The following PPP2R2C variants were observed in gnomAD, a reference collection of about 807,000 sequenced individuals.
PPP2R2C encodes the protein protein phosphatase 2 regulatory subunit Bgamma, also known as protein phosphatase 2, regulatory subunit B, gamma.
A neutral mutation model predicts 45.3 loss-of-function variants in PPP2R2C; 10 were observed. The ratio of observed to expected loss-of-function variants is 0.22; its 90% CI spans 0.14 to 0.37. The LOEUF (loss-of-function observed/expected upper bound fraction) is 0.37, where lower values mean the gene tolerates loss of function less well. Ranked by LOEUF, PPP2R2C falls within the 10% of genes least tolerant of loss-of-function variation. PPP2R2C has a pLI of 1.00. For missense variants in PPP2R2C, 308 were observed against 619.7 expected (o/e 0.50, Z 5.34); for synonymous variants, 257 against 245.4 (o/e 1.05, Z -0.44).
At chr4:6,385,682 G>C (rs1048490571) in intron 1 of PPP2R2C, among the ~76,000 whole-genome samples, 11 of 152,088 alleles carry the variant, frequency 7.2e-5, no homozygotes, top group Admixed American at 7.2e-4. Flanking sequence ...TGATTCTCGT[G>C]CCTCAGCCTC....
chr4:6,551,891 A>T (rs1263837307), intron 1 of PPP2R2C, among the ~76,000 whole-genome samples: 2 of 152,328 alleles, frequency 1.3e-5, no homozygotes, highest in South Asian at 4.1e-4. Flanking sequence ...GGCTCTTAAA[A>T]CCATGAAACA....
chr4:6,507,615 A>T (rs1028976575), intron 2 of PPP2R2C, among the ~76,000 whole-genome samples: 3 of 152,250 alleles, frequency 2.0e-5, no homozygotes, highest in African/African-American at 7.2e-5. Context: ...GACTGCTAAA[A>T]GTCACTAAGT....
intron 1 of PPP2R2C, among the ~76,000 whole-genome samples, chr4:6,417,992 G>A (rs1168949448): frequency 6.6e-6 from 1 of 152,202 alleles, no homozygotes; most frequent in Non-Finnish European, 1.5e-5. Context: ...CAGCAGGCAG[G>A]GGCTCTGGAA....
chr4:6,452,564 C>G (rs1267772681), intron 1 of PPP2R2C, among the ~76,000 whole-genome samples: 1 of 152,238 alleles, frequency 6.6e-6, no homozygotes. Flanking sequence ...GCGCCCTGCA[C>G]CACCTTAGAA....
chr4:6,330,330 C>T lies in PPP2R2C; in HGVS notation c.961-977G>A, dbSNP rs1037848026. 1.4e-4 allele frequency among the ~76,000 whole-genome samples: 22 copies of T among 152,310 alleles called. No individual in the cohort carries two copies. The highest frequency in any genetic ancestry group is 1.0e-3 in the South Asian group (5 of 4,816). Reference sequence around the variant, plus strand: ...CAGGAGTTGAAATTAACAACTCCAACGAACACAGAAAATGTGAAGGGTGGT... The same window carrying T: ...CAGGAGTTGAAATTAACAACTCCAATGAACACAGAAAATGTGAAGGGTGGT... On this transcript the variant is annotated intron_variant, in intron 7 of 8. Transcript: ENST00000382599. The surrounding 1 kb of genome is among the most constrained non-coding windows in gnomAD (Gnocchi z 7.0).
chr4:6,497,740 T>C (rs556783532), intron 2 of PPP2R2C, among the ~76,000 whole-genome samples: 172 of 152,204 alleles, frequency 1.1e-3, no homozygotes, highest in Non-Finnish European at 1.8e-3. Context: ...ACAGCTAAAA[T>C]GAACAATGAT....
rs1732301333 is a variant in PPP2R2C at position 6,330,275 on chromosome 4, C to G, written c.961-922G>C. ...CCTCTGGGTGCGGAAGGGAAGGTAA[C>G]TGGGTGCCATGGAGCCTGGTTTCAA... is the stretch of plus-strand genomic sequence containing the variant. On this transcript the variant is annotated intron_variant, in intron 7 of 8. Transcript: ENST00000382599. This position sits in a 1 kb window ranked among gnomAD's most constrained non-coding sequence, Gnocchi z 7.0. 6.6e-6 allele frequency among the ~76,000 whole-genome samples: 1 copy of G among 152,202 alleles called. No homozygotes were observed. The highest frequency in any genetic ancestry group is 1.5e-5 in the Non-Finnish European group (1 of 68,028).
intron 2 of PPP2R2C, among the ~76,000 whole-genome samples, chr4:6,480,010 T>A (rs559896000): frequency 1.3e-5 from 2 of 152,284 alleles, no homozygotes; most frequent in Non-Finnish European, 2.9e-5. Flanking sequence ...AGTGCCCAGC[T>A]TTGCTTCGGT....
At chr4:6,493,465 G>T (rs1357530933) in intron 2 of PPP2R2C, among the ~76,000 whole-genome samples, 3 of 151,688 alleles carry the variant, frequency 2.0e-5, no homozygotes, top group Non-Finnish European at 4.4e-5. Flanking sequence ...CAAAGGCATG[G>T]TGCTGGGGAG....
At chr4:6,425,113 G>A (rs995303352) in intron 1 of PPP2R2C, among the ~76,000 whole-genome samples, 1 of 152,194 alleles carries the variant, frequency 6.6e-6, no homozygotes, top group Non-Finnish European at 1.5e-5. Flanking sequence ...GTTGCCGAGA[G>A]GATGACAGGA....
intron 1 of PPP2R2C, among the ~76,000 whole-genome samples, chr4:6,444,505 A>G (rs1318495506): frequency 6.6e-6 from 1 of 151,938 alleles, no homozygotes; most frequent in Non-Finnish European, 1.5e-5. Context: ...ACACTCTGCC[A>G]CTCTCCGGGG....
intron 1 of PPP2R2C, among the ~76,000 whole-genome samples, chr4:6,398,555 C>T (rs539938142): frequency 3.0e-4 from 46 of 152,152 alleles, no homozygotes; most frequent in African/African-American, 1.1e-3. Flanking sequence ...AACGAGATAC[C>T]AGTGTACACC....
chr4:6,529,764 AGG>A lies in PPP2R2C; in HGVS notation c.49+5505_49+5506del, dbSNP rs745606739. Among the ~76,000 whole-genome samples the A allele has an allele frequency of 2.8e-3, 424 of 152,342 alleles. 2 individuals carry two copies. The highest frequency in any genetic ancestry group is 2.7e-3 in the Non-Finnish European group (186 of 68,034). ...CTGCTGTGGCCCCAGCCACTGACCC[AGG>A]GCTGGGTACACAGCAGATGCTCAAT... On this transcript the variant is annotated intron_variant, in intron 2 of 9. Coordinates refer to the PPP2R2C transcript ENST00000506140.
chr4:6,429,426 T>C (rs890544055), intron 1 of PPP2R2C, among the ~76,000 whole-genome samples: 5 of 152,236 alleles, frequency 3.3e-5, no homozygotes, highest in Admixed American at 6.5e-5. Flanking sequence ...TTCACTGACT[T>C]GTGTTTTTTA....
intron 4 of PPP2R2C, among the ~76,000 whole-genome samples, chr4:6,373,902 T>TGC (rs1715089421): frequency 2.5e-5 from 1 of 40,546 alleles, no homozygotes; most frequent in South Asian, 1.0e-3. Context: ...TGTGCATGCA[T>TGC]GTGTGTGTGT....
chr4:6,441,228 A>G (rs1720135270), intron 1 of PPP2R2C, among the ~76,000 whole-genome samples: 1 of 152,122 alleles, frequency 6.6e-6, no homozygotes, highest in Admixed American at 6.5e-5. Context: ...TGAAAACACT[A>G]AAGTGATTAG....
intron 2 of PPP2R2C, among the ~76,000 whole-genome samples, chr4:6,514,753 C>T (rs577523971): frequency 1.1e-4 from 17 of 152,320 alleles, no homozygotes; most frequent in East Asian, 7.7e-4. Context: ...CCCCAAACAA[C>T]GGAATCATAT....
intron 1 of PPP2R2C, among the ~76,000 whole-genome samples, chr4:6,538,714 G>A (rs1171908085): frequency 2.0e-5 from 3 of 152,226 alleles, no homozygotes; most frequent in Non-Finnish European, 2.9e-5. Flanking sequence ...CTACGTTCAC[G>A]AAAGAGCCGG....
chr4:6,377,672 A>G (rs1715440037), intron 3 of PPP2R2C, among the ~76,000 whole-genome samples: 2 of 151,914 alleles, frequency 1.3e-5, no homozygotes, highest in South Asian at 4.2e-4. Context: ...AAAAAAAGAA[A>G]AAAAAGAATC....
Sources: gnomAD v4.1 joint callset for allele counts (sites outside exome capture counted in the v4.1 genomes callset) on GRCh38, gnomAD v4.1.1 for gene constraint, Gnocchi (gnomAD v3.1) non-coding constraint, MANE v1.5 for transcripts, NCBI Gene and HGNC (gene_info 2026-07-23, HGNC 2026-07-21) for gene names.